Variants in LRP1B observed in about 807,000 individuals in gnomAD.
LRP1B encodes the protein LDL receptor related protein 1B, also known as low-density lipoprotein receptor-related protein 1B.
A neutral mutation model predicts 556.6 loss-of-function variants in LRP1B; 217 were observed. The observed-to-expected ratio is 0.39, with a 90% CI of 0.35 to 0.44. The LOEUF is 0.44. Among genes scored for constraint, LRP1B ranks in the 20% least tolerant of loss-of-function variants. The pLI is 1.00. For missense variants in LRP1B, 5,053 were observed against 5,620.8 expected, an observed-to-expected ratio of 0.90 and a Z score of 3.23; for synonymous variants, 2,047 against 1,865.8, an observed-to-expected ratio of 1.10 and a Z score of -2.50.
intron 3 of LRP1B, among the ~76,000 whole-genome samples, chr2:141,306,009 T>A (rs1353304281): frequency 6.6e-6 from 1 of 152,142 alleles, no homozygotes; most frequent in Non-Finnish European, 1.5e-5. Context: ...AGTAGAGGAA[T>A]TTTGTGTCTA....
chr2:141,267,375 T>C (rs889736725), intron 3 of LRP1B, among the ~76,000 whole-genome samples: 1 of 152,068 alleles, frequency 6.6e-6, no homozygotes, highest in African/African-American at 2.4e-5. Flanking sequence ...TATTAAAAAA[T>C]ATAAGGAGTG....
chr2:141,798,576 G>C (rs906283929), intron 2 of LRP1B, among the ~76,000 whole-genome samples: 2 of 151,510 alleles, frequency 1.3e-5, no homozygotes, highest in South Asian at 4.2e-4. Context: ...GCGTGGTGGT[G>C]GGTGCCTGTA....
At chr2:140,677,616 T>C (rs1294526841) in intron 41 of LRP1B, among the ~76,000 whole-genome samples, 2 of 152,148 alleles carry the variant, frequency 1.3e-5, no homozygotes, top group Admixed American at 1.3e-4. Context: ...CTCACACCTG[T>C]AATCCCAGCA....
chr2:141,459,945 C>A (rs1481423432), intron 3 of LRP1B, among the ~76,000 whole-genome samples: 3 of 152,060 alleles, frequency 2.0e-5, no homozygotes, highest in Admixed American at 6.5e-5. Context: ...GGATAGAAGA[C>A]AAGAGAGATG....
At chr2:141,907,519 T>A (rs1373261529) in intron 1 of LRP1B, among the ~76,000 whole-genome samples, 1 of 152,004 alleles carries the variant, frequency 6.6e-6, no homozygotes, top group African/African-American at 2.4e-5. Context: ...CTCTTATTTT[T>A]AATTAGAGTA....
chr2:140,922,882 AG>A, intron 21 of LRP1B, 82 bp downstream of exon 21: 1 of 1,164,186 alleles, frequency 8.6e-7, no homozygotes, highest in Non-Finnish European at 1.2e-6. Flanking sequence ...CTTTTTACAA[AG>A]GTGAGATACA....
At chr2:140,514,625 G>C (rs1249150977) in intron 51 of LRP1B, 28 bp downstream of exon 51, 1 of 1,588,732 alleles carries the variant, frequency 6.3e-7, no homozygotes, top group South Asian at 1.2e-5. Context: ...CTTAAAAACT[G>C]ATTGAGGACA....
intron 5 of LRP1B, among the ~76,000 whole-genome samples, chr2:141,239,957 T>C (rs1327336927): frequency 1.3e-5 from 2 of 152,144 alleles, no homozygotes; most frequent in African/African-American, 2.4e-5. Context: ...TCAATCATTC[T>C]GATGTATCAA....
intron 18 of LRP1B, 122 bp downstream of exon 18, chr2:140,982,038 A>G (rs1696785101): frequency 1.5e-5 from 10 of 681,922 alleles, no homozygotes; most frequent in Admixed American, 5.3e-5. Context: ...CAAAAATGCC[A>G]TATCTTCTGC....
At chr2:141,067,065 A>G (rs1233058044) in intron 7 of LRP1B, among the ~76,000 whole-genome samples, 1 of 151,952 alleles carries the variant, frequency 6.6e-6, no homozygotes, top group African/African-American at 2.4e-5. Context: ...TTGTTTTTAT[A>G]GTAACTTAGT....
chr2:141,905,763 A>ATGTGT (rs71338143), intron 1 of LRP1B, among the ~76,000 whole-genome samples: 1 of 115,156 alleles, frequency 8.7e-6, no homozygotes, highest in African/African-American at 3.2e-5. Flanking sequence ...TGGTTTGAAT[A>ATGTGT]GATGTGTGTG....
intron 20 of LRP1B, among the ~76,000 whole-genome samples, chr2:140,934,004 A>G (rs1376058065): frequency 6.6e-6 from 1 of 152,112 alleles, no homozygotes; most frequent in Non-Finnish European, 1.5e-5. Context: ...ATTAATAATT[A>G]ACATTGTTTA....
At chr2:140,293,235 A>T (rs1332006129) in intron 84 of LRP1B, among the ~76,000 whole-genome samples, 1 of 152,176 alleles carries the variant, frequency 6.6e-6, no homozygotes, top group Non-Finnish European at 1.5e-5. Context: ...TTATCATTTA[A>T]TCACAAATAA....
At chr2:141,544,341 T>TTCTTC (rs1559131240) in intron 2 of LRP1B, among the ~76,000 whole-genome samples, 5 of 71,568 alleles carry the variant, frequency 7.0e-5, no homozygotes, top group African/African-American at 3.0e-4. Flanking sequence ...CTTCTTCTTC[T>TTCTTC]TCTTCTTCTT....
intron 7 of LRP1B, among the ~76,000 whole-genome samples, chr2:141,117,706 T>C (rs13402160): frequency 0.015 from 2,333 of 152,136 alleles, 61 homozygotes; most frequent in African/African-American, 0.053. Flanking sequence ...TGAAGAGCAA[T>C]GCTTTAGTGT....
At chr2:140,482,388 T>G (rs185514844) in intron 59 of LRP1B, among the ~76,000 whole-genome samples, 1 of 152,278 alleles carries the variant, frequency 6.6e-6, no homozygotes, top group African/African-American at 2.4e-5. Flanking sequence ...AAAGATAAAA[T>G]TTGCAGCAGA....
chr2:141,584,288 T>C (rs1687055076), intron 2 of LRP1B, among the ~76,000 whole-genome samples: 1 of 151,946 alleles, frequency 6.6e-6, no homozygotes, highest in African/African-American at 2.4e-5. Flanking sequence ...AACTACCATC[T>C]AGGAAAGAGC....
intron 6 of LRP1B, among the ~76,000 whole-genome samples, chr2:141,191,833 G>A (rs147765959): frequency 4.5e-4 from 68 of 151,820 alleles, no homozygotes; most frequent in Middle Eastern, 3.4e-3. Flanking sequence ...TACAAATGTC[G>A]TTTCAAATAT....
chr2:140,787,103 T>C (rs188258667), intron 32 of LRP1B, among the ~76,000 whole-genome samples: 230 of 152,334 alleles, frequency 1.5e-3, no homozygotes, highest in Non-Finnish European at 2.7e-3. Context: ...TATTTAAACA[T>C]TTTAATTTAA....
Sources: gnomAD v4.1 joint callset for allele counts (sites outside exome capture counted in the v4.1 genomes callset) on GRCh38, gnomAD v4.1.1 for gene constraint, MANE v1.5 for transcripts, NCBI Gene and HGNC (gene_info 2026-07-23, HGNC 2026-07-21) for gene names.